OPCML: variants seen among roughly 807,000 people sequenced by gnomAD.
OPCML encodes the protein opioid-binding protein/cell adhesion molecule.
Under a neutral mutation model 37.8 loss-of-function variants are expected in OPCML, and 13 were observed. The ratio of observed to expected loss-of-function variants is 0.34; its 90% CI spans 0.22 to 0.55. The LOEUF is 0.55. OPCML is among the 20% of genes least tolerant of loss of function. The pLI is 0.91. For synonymous variants in OPCML, 176 were observed against 168.8 expected, an observed-to-expected ratio of 1.04 and a Z score of -0.33; for missense variants, 341 against 435.6, an observed-to-expected ratio of 0.78 and a Z score of 1.93.
chr11:132,544,342 A>G (rs1008116430), intron 3 of OPCML, among the ~76,000 whole-genome samples: 3 of 152,206 alleles, frequency 2.0e-5, no homozygotes, highest in Non-Finnish European at 4.4e-5. Context: ...CCCACCAGGA[A>G]CTAAGGCTCC....
At chr11:132,913,676 C>T (rs531219141) in intron 2 of OPCML, among the ~76,000 whole-genome samples, 3 of 152,294 alleles carry the variant, frequency 2.0e-5, no homozygotes, top group African/African-American at 2.4e-5. Flanking sequence ...GGACTAGAAT[C>T]GAAAGCTCTC....
chr11:132,978,382 T>C (rs1308298281), intron 1 of OPCML, among the ~76,000 whole-genome samples: 4 of 152,188 alleles, frequency 2.6e-5, no homozygotes, highest in Non-Finnish European at 5.9e-5. Context: ...AAGAGTTTGG[T>C]AGCAGGGAGG....
chr11:132,476,059 A>G (rs1238417555), intron 4 of OPCML, among the ~76,000 whole-genome samples: 2 of 152,218 alleles, frequency 1.3e-5, no homozygotes, highest in Admixed American at 6.5e-5. Context: ...ACTTGACGCT[A>G]TCAGCACTAT....
At chr11:133,055,825 A>T (rs1466668850) in intron 1 of OPCML, among the ~76,000 whole-genome samples, 1 of 150,326 alleles carries the variant, frequency 6.7e-6, no homozygotes, top group Non-Finnish European at 1.5e-5. Context: ...AAGTGGTGAG[A>T]CTCCATGAGG....
At position 132,664,073 on chromosome 11, in the gene OPCML, C is replaced by A. The variant is rs546095231; in HGVS notation, c.147-6754G>T. On this transcript the variant is annotated intron_variant, in intron 2 of 7. Transcript: ENST00000524381. Reference sequence around the variant, plus strand: ...GGTCTCGATCTCCTGACCTCATGATCCGCCCGCCTCGGCCTCCCAAAGTGG... The same window carrying A: ...GGTCTCGATCTCCTGACCTCATGATACGCCCGCCTCGGCCTCCCAAAGTGG... Among the ~76,000 whole-genome samples the A allele has an allele frequency of 2.6e-5, 4 of 152,192 alleles. No individual in the cohort carries two copies. The South Asian group carries it at 8.3e-4, about 32-fold the overall frequency.
At chr11:133,374,570 G>T (rs775313999) in intron 1 of OPCML, among the ~76,000 whole-genome samples, 2 of 152,154 alleles carry the variant, frequency 1.3e-5, no homozygotes, top group African/African-American at 2.4e-5. Flanking sequence ...GAATGATTTT[G>T]CCTTTGGCAC....
intron 1 of OPCML, among the ~76,000 whole-genome samples, chr11:132,985,734 T>C (rs778436127): frequency 5.3e-5 from 8 of 152,224 alleles, no homozygotes; most frequent in Non-Finnish European, 1.0e-4. Flanking sequence ...TTATACAGGG[T>C]ACCTGCACTA....
At chr11:132,850,526 T>A (rs1169984195) in intron 2 of OPCML, among the ~76,000 whole-genome samples, 1 of 151,908 alleles carries the variant, frequency 6.6e-6, no homozygotes, top group East Asian at 1.9e-4. Flanking sequence ...GGTGTGTGTG[T>A]GTGTGTGTGT....
At chr11:133,126,890 AAGAG>A (rs1204720476) in intron 1 of OPCML, among the ~76,000 whole-genome samples, 1 of 152,096 alleles carries the variant, frequency 6.6e-6, no homozygotes, top group Non-Finnish European at 1.5e-5. Flanking sequence ...ATCACTGAAA[AAGAG>A]AGTGCCTGGA....
intron 1 of OPCML, among the ~76,000 whole-genome samples, chr11:133,339,910 C>A (rs1342662139): frequency 6.6e-6 from 1 of 152,162 alleles, no homozygotes; most frequent in African/African-American, 2.4e-5. Flanking sequence ...GAGAACATCG[C>A]AACCCCCAAG....
intron 1 of OPCML, among the ~76,000 whole-genome samples, chr11:133,276,477 C>A (rs1036018997): frequency 2.0e-5 from 3 of 152,072 alleles, no homozygotes; most frequent in South Asian, 2.1e-4. Context: ...CAGGAGGGAG[C>A]AAAACCTACC....
intron 1 of OPCML, among the ~76,000 whole-genome samples, chr11:132,989,654 G>A (rs930255604): frequency 6.7e-6 from 1 of 150,118 alleles, no homozygotes; most frequent in East Asian, 2.0e-4. Flanking sequence ...TGTGTTCAGA[G>A]GTGGAGGTGT....
chr11:132,656,296 G>GT (rs1941705574), intron 3 of OPCML, among the ~76,000 whole-genome samples: 1 of 152,136 alleles, frequency 6.6e-6, no homozygotes, highest in Admixed American at 6.5e-5. Flanking sequence ...ATCTGCATGT[G>GT]TTTTTAATTC....
At chr11:132,788,317 A>G (rs1252981833) in intron 2 of OPCML, among the ~76,000 whole-genome samples, 1 of 152,140 alleles carries the variant, frequency 6.6e-6, no homozygotes, top group Non-Finnish European at 1.5e-5. Context: ...CTTGGAACTT[A>G]TCCTTGACAC....
At chr11:132,544,292 G>GT (rs2096363900) in intron 3 of OPCML, among the ~76,000 whole-genome samples, 2 of 151,954 alleles carry the variant, frequency 1.3e-5, no homozygotes, top group African/African-American at 2.4e-5. Flanking sequence ...AATTCACACC[G>GT]TTTACTGGGG....
chr11:133,406,898 A>C (rs1356411250), intron 1 of OPCML, among the ~76,000 whole-genome samples: 1 of 152,206 alleles, frequency 6.6e-6, no homozygotes, highest in Non-Finnish European at 1.5e-5. Flanking sequence ...GTGGAGGTTA[A>C]TTTGCAAAGT....
intron 1 of OPCML, among the ~76,000 whole-genome samples, chr11:133,161,589 G>A (rs7108112): frequency 0.28 from 43,112 of 152,000 alleles, 6,215 homozygotes; most frequent in South Asian, 0.35. Context: ...TCAGCTGGCC[G>A]ATATTGAGGT....
intron 1 of OPCML, among the ~76,000 whole-genome samples, chr11:133,396,592 C>T (rs1243113025): frequency 2.6e-5 from 4 of 152,186 alleles, no homozygotes; most frequent in African/African-American, 9.7e-5. Context: ...TGCTCAAAAA[C>T]CTTTAATAGT....
chr11:133,109,173 C>T (rs1028685964), intron 1 of OPCML, among the ~76,000 whole-genome samples: 12 of 152,022 alleles, frequency 7.9e-5, no homozygotes, highest in South Asian at 2.1e-4. Flanking sequence ...TGGTTCCTTC[C>T]GGTGGGTTCG....
Sources: gnomAD v4.1 joint callset for allele counts (sites outside exome capture counted in the v4.1 genomes callset) on GRCh38, gnomAD v4.1.1 for gene constraint, MANE v1.5 for transcripts, NCBI Gene and HGNC (gene_info 2026-07-23, HGNC 2026-07-21) for gene names.